Variants in PCDH7 observed in about 807,000 individuals in gnomAD.
PCDH7 encodes the protein protocadherin-7.
PCDH7 carries 17 observed loss-of-function variants against 58.9 expected under a neutral mutation model. That is an observed-to-expected ratio of 0.29 (90% confidence interval 0.20 to 0.43). The LOEUF (loss-of-function observed/expected upper bound fraction) is 0.43. Among genes scored for constraint, PCDH7 ranks in the 20% least tolerant of loss-of-function variants. The pLI is 1.00. For synonymous variants in PCDH7, 664 were observed against 616.4 expected (o/e 1.08, Z -1.14); for missense variants, 1,274 against 1,441.0 (o/e 0.88, Z 1.88).
chr4:31,100,056 T>C (rs938504830), intron 3 of PCDH7, among the ~76,000 whole-genome samples: 16 of 152,108 alleles, frequency 1.1e-4, no homozygotes, highest in African/African-American at 3.9e-4. Flanking sequence ...TCTCACTCTT[T>C]CACTTTGCCA....
intron 3 of PCDH7, among the ~76,000 whole-genome samples, chr4:31,027,738 T>C: frequency 6.6e-6 from 1 of 152,206 alleles, no homozygotes; most frequent in East Asian, 1.9e-4. Flanking sequence ...CATTTATATA[T>C]GCATAATATT....
chr4:31,059,698 A>G (rs1757533658), intron 3 of PCDH7, among the ~76,000 whole-genome samples: 1 of 151,896 alleles, frequency 6.6e-6, no homozygotes, highest in Non-Finnish European at 1.5e-5. Flanking sequence ...GTTGAGTCAG[A>G]TATCTCTGAA....
At chr4:31,048,844 T>C (rs1331363993) in intron 3 of PCDH7, among the ~76,000 whole-genome samples, 1 of 152,074 alleles carries the variant, frequency 6.6e-6, no homozygotes, top group Non-Finnish European at 1.5e-5. Context: ...GAAAGAACAT[T>C]ATATGAAAAT....
intron 1 of PCDH7, among the ~76,000 whole-genome samples, chr4:30,847,417 G>A (rs147295078): frequency 1.1e-3 from 164 of 152,224 alleles, no homozygotes; most frequent in Non-Finnish European, 1.7e-3. Flanking sequence ...TGGCTGAAAC[G>A]TCTTTGCAGG....
chr4:30,859,353 C>T (rs1236464862), intron 1 of PCDH7, among the ~76,000 whole-genome samples: 14 of 152,094 alleles, frequency 9.2e-5, no homozygotes, highest in Admixed American at 9.2e-4. Context: ...TTGTATACTG[C>T]CCTCTGAGTG....
chr4:30,846,403 C>T (rs887661699), intron 1 of PCDH7, among the ~76,000 whole-genome samples: 2 of 152,152 alleles, frequency 1.3e-5, no homozygotes, highest in Admixed American at 1.3e-4. Context: ...CTTCTTCTTC[C>T]TTTCATGGGA....
chr4:30,868,266 G>A (rs1404482385), intron 1 of PCDH7, among the ~76,000 whole-genome samples: 1 of 152,014 alleles, frequency 6.6e-6, no homozygotes, highest in Admixed American at 6.6e-5. Flanking sequence ...CCCTATTATA[G>A]TGCTATTTTA....
At chr4:30,758,935 G>T (rs1056342116) in intron 1 of PCDH7, among the ~76,000 whole-genome samples, 8 of 136,394 alleles carry the variant, frequency 5.9e-5, no homozygotes, top group Admixed American at 5.4e-4. Flanking sequence ...TTTATTTGAA[G>T]AAGTGTTTTT....
In PCDH7 at chr4:31,036,999, CT is replaced by C. The variant is rs764094612; in HGVS notation, c.*7+86785del. Among the ~76,000 whole-genome samples, 24 of 152,120 alleles carry C rather than the reference CT, an allele frequency of 1.6e-4. No homozygotes were observed. In the East Asian group the frequency reaches 1.9e-3, roughly 12 times the overall value. ...AATAGTGTGGGAAAGATCCACCCCC[CT>C]GATTCAATTACCTCCCACCGCGTCC... On this transcript the variant is annotated intron_variant, in intron 3 of 3. Transcript: ENST00000509759.
In PCDH7 at chr4:30,765,559, T is replaced by A. The variant is rs139214387; in HGVS notation, c.70+40963T>A. Among the ~76,000 whole-genome samples the A allele has an allele frequency of 4.6e-3, 707 of 152,322 alleles. 6 individuals are homozygous for A. Among genetic ancestry groups the A allele is most frequent in the African/African-American group, 0.016 (669 of 41,576 alleles). On this transcript the variant is annotated intron_variant, in intron 1 of 3. Coordinates refer to the PCDH7 transcript ENST00000509759. ...ACTGCACTTCTTTTAGCAGAGACAT[T>A]GGAGTAGACAGATAATCTATGGGCC...
At chr4:30,837,670 C>T (rs929705574) in intron 1 of PCDH7, among the ~76,000 whole-genome samples, 1 of 151,590 alleles carries the variant, frequency 6.6e-6, no homozygotes, top group African/African-American at 2.4e-5. Flanking sequence ...TTTTCCTTTA[C>T]GTACCGACAA....
At chr4:30,852,887 C>T (rs938667141) in intron 1 of PCDH7, among the ~76,000 whole-genome samples, 6 of 146,410 alleles carry the variant, frequency 4.1e-5, no homozygotes, top group Non-Finnish European at 7.5e-5. Flanking sequence ...TTCGGCTTCA[C>T]TGAACAGCAG....
chr4:30,844,239 C>T (rs989420366), intron 1 of PCDH7, among the ~76,000 whole-genome samples: 1 of 152,208 alleles, frequency 6.6e-6, no homozygotes, highest in African/African-American at 2.4e-5. Context: ...CAATACGATC[C>T]CAAACTAAGA....
chr4:31,117,229 A>G (rs897387861), intron 3 of PCDH7, among the ~76,000 whole-genome samples: 1 of 152,088 alleles, frequency 6.6e-6, no homozygotes, highest in Non-Finnish European at 1.5e-5. Context: ...ATTTTTAGCA[A>G]CTAGGGAAGT....
rs969611121 is a variant in PCDH7, at chr4:31,012,825, G to A, written c.*7+62610G>A. Among the ~76,000 whole-genome samples, 8 of 150,308 alleles carry A rather than the reference G, an allele frequency of 5.3e-5. 1 individual carries two copies. The highest frequency in any genetic ancestry group is 3.3e-4 in the Admixed American group (5 of 15,066). ...TCAAGACCAGCCTGGGCAACAAAGC[G>A]AGAGATGGTCTCCACAAAAAATAAA... is the stretch of plus-strand genomic sequence containing the variant. On this transcript the variant is annotated intron_variant, in intron 3 of 3. Transcript: ENST00000509759.
At chr4:31,078,441 C>T (rs1413265219) in intron 3 of PCDH7, among the ~76,000 whole-genome samples, 2 of 151,676 alleles carry the variant, frequency 1.3e-5, no homozygotes, top group Non-Finnish European at 2.9e-5. Context: ...TGTCAATATG[C>T]TTGGCTAACT....
At chr4:31,126,312 T>C (rs1263239583) in intron 3 of PCDH7, among the ~76,000 whole-genome samples, 3 of 151,814 alleles carry the variant, frequency 2.0e-5, no homozygotes, top group South Asian at 2.1e-4. Flanking sequence ...CACACCATTA[T>C]ACCCAGCTAT....
rs149998264 is a variant in PCDH7 at position 31,047,185 on chromosome 4, A to G, written c.*8-95288A>G. Among the ~76,000 whole-genome samples, 6 of 152,162 alleles carry G rather than the reference A, an allele frequency of 3.9e-5. No individual in the cohort carries two copies. In the East Asian group the frequency reaches 1.2e-3, roughly 29 times the overall value. The stretch of plus-strand genomic sequence containing the variant: ...CACATAACAGCAGTTTTAAAATCAG[A>G]TTACATGGACTCAAAATCTTCTCTA... On this transcript the variant is annotated intron_variant, in intron 3 of 3. Coordinates refer to the PCDH7 transcript ENST00000509759.
chr4:30,866,297 A>G (rs1454809582), intron 1 of PCDH7, among the ~76,000 whole-genome samples: 1 of 152,124 alleles, frequency 6.6e-6, no homozygotes, highest in African/African-American at 2.4e-5. Flanking sequence ...TACCTAACAT[A>G]TCTACATTAT....
Sources: gnomAD v4.1 joint callset for allele counts (sites outside exome capture counted in the v4.1 genomes callset) on GRCh38, gnomAD v4.1.1 for gene constraint, MANE v1.5 for transcripts, NCBI Gene and HGNC (gene_info 2026-07-23, HGNC 2026-07-21) for gene names.